Variants in STRN observed in about 807,000 individuals in gnomAD.
STRN encodes the protein protein phosphatase 2 regulatory subunit B'''alpha.
A neutral mutation model predicts 96.3 loss-of-function variants in STRN; 53 were observed. That is an observed-to-expected ratio of 0.55 (90% CI 0.44 to 0.69). The LOEUF is 0.69. STRN is among the 30% of genes least tolerant of loss of function. The pLI is 0.00. For missense variants in STRN, 987 were observed against 963.9 expected, an observed-to-expected ratio of 1.02 and a Z score of -0.32; for synonymous variants, 428 against 355.9, an observed-to-expected ratio of 1.20 and a Z score of -2.28.
intron 1 of STRN, among the ~76,000 whole-genome samples, chr2:36,954,664 T>C (rs1404705475): frequency 6.6e-6 from 1 of 151,378 alleles, no homozygotes; most frequent in Non-Finnish European, 1.5e-5. Context: ...GGAGTTTCAC[T>C]CTTGTTGCCC....
At chr2:36,918,028 A>G (rs761627103) in intron 2 of STRN, among the ~76,000 whole-genome samples, 3 of 152,144 alleles carry the variant, frequency 2.0e-5, no homozygotes, top group Admixed American at 2.0e-4. Flanking sequence ...AAATCAATGA[A>G]CTGAGGCAGA....
chr2:36,947,030 G>C lies in STRN; in HGVS notation c.234+19200C>G, dbSNP rs1412774493. On this transcript the variant is annotated intron_variant, in intron 1 of 17. Transcript: ENST00000263918. ...CCTTCCTGAGCCTCCTGAGTAGCAG[G>C]GACTACAGGCACGTGCCACCAGGCC... 2.0e-5 allele frequency among the ~76,000 whole-genome samples: 3 copies of C among 151,884 alleles called. No homozygotes were observed. In the East Asian group the frequency reaches 5.8e-4, roughly 29 times the overall value.
Position 36,906,968 on chromosome 2 carries a change from T to C in STRN, c.413-1350A>G, listed in dbSNP as rs75319177. On this transcript the variant is annotated intron_variant, in intron 3 of 17. Transcript: ENST00000263918. ...AAAAAACCCTCAAGTATTCTTTTAA[T>C]GACATTCTTTGAATGAAAACCTCCT... Among the ~76,000 whole-genome samples, 976 of 151,854 alleles carry C rather than the reference T, an allele frequency of 6.4e-3. 15 individuals are homozygous for C. Among genetic ancestry groups the C allele is most frequent in the African/African-American group, 0.022 (929 of 41,416 alleles).
At position 36,966,443 on chromosome 2, in the gene STRN, G is replaced by A. The variant is rs1318960507; in HGVS notation, c.21C>T (p.Pro7=). The change falls in exon 1 of 18, where the codon CCC becomes CCT. Residue 7 remains proline (P), a synonymous_variant. Transcript: ENST00000263918. ...GGTGGTTGTTGCTGAAGAAGACGCC[G>A]GGACCCGCCTGCTCGTCCATGGCGG... MDEQAG[P]GVFFSNNHPG... 2.0e-6 allele frequency: 3 copies of A among 1,464,194 alleles called. No individual in the cohort carries two copies. The Admixed American group carries it at 7.7e-5, about 38-fold the overall frequency. The allele number at this position is 1,464,194 out of a possible 1,614,324, so 90.7% of individuals were successfully genotyped here.
At chr2:36,859,603 T>C (rs1668427906) in intron 13 of STRN, among the ~76,000 whole-genome samples, 1 of 152,224 alleles carries the variant, frequency 6.6e-6, no homozygotes, top group Non-Finnish European at 1.5e-5. Context: ...GAGTCAACTA[T>C]ATGTAAAAGT....
chr2:36,916,675 T>A (rs187077810), intron 2 of STRN, among the ~76,000 whole-genome samples: 5 of 152,140 alleles, frequency 3.3e-5, no homozygotes, highest in Admixed American at 1.3e-4. Context: ...GCCCAAATCA[T>A]CAATGTTGAA....
chr2:36,870,142 C>T (rs979625407), intron 10 of STRN, among the ~76,000 whole-genome samples: 2 of 151,992 alleles, frequency 1.3e-5, no homozygotes, highest in Non-Finnish European at 2.9e-5. Flanking sequence ...ATTTTAAATA[C>T]TTTCTAATAG....
intron 8 of STRN, 107 bp downstream of exon 8, chr2:36,886,609 G>T: frequency 2.5e-6 from 2 of 813,100 alleles, no homozygotes; most frequent in Non-Finnish European, 3.9e-6. Flanking sequence ...GAGGTCAGGA[G>T]CAGAAATGAA....
At chr2:36,892,689 C>A (rs191461653) in intron 7 of STRN, among the ~76,000 whole-genome samples, 2 of 152,260 alleles carry the variant, frequency 1.3e-5, no homozygotes, top group African/African-American at 4.8e-5. Flanking sequence ...TCCCTATCCT[C>A]TTCTGGGAAG....
At chr2:36,949,853 CTAGT>C (rs1292467720) in intron 1 of STRN, among the ~76,000 whole-genome samples, 1 of 152,018 alleles carries the variant, frequency 6.6e-6, no homozygotes, top group Admixed American at 6.6e-5. Context: ...AGTATCAAGA[CTAGT>C]TAGAGATAAT....
At position 36,957,744 on chromosome 2, in the gene STRN, C is replaced by CTTTTT. The variant is rs1159531782; in HGVS notation, c.234+8481_234+8485dup. ...TTAGTCTCATAGTTCTTCTTTTTGT[C>CTTTTT]TTTTTTTTTTTTTTTTTTTTTTTTT... On this transcript the variant is annotated intron_variant, in intron 1 of 17. Transcript: ENST00000263918. 6.5e-3 allele frequency among the ~76,000 whole-genome samples: 580 copies of CTTTTT among 89,148 alleles called. 78 individuals carry two copies. Among genetic ancestry groups the CTTTTT allele is most frequent in the East Asian group, 0.01 (18 of 1,796 alleles). 58.5% of individuals were successfully genotyped at this position (89,148 alleles called of 152,430 possible). A position where few individuals can be genotyped will look rare whatever the true frequency, so the allele number is the denominator to read the frequency against.
At chr2:36,959,784 C>T (rs1339599146) in intron 1 of STRN, among the ~76,000 whole-genome samples, 4 of 151,994 alleles carry the variant, frequency 2.6e-5, no homozygotes, top group Admixed American at 6.6e-5. Flanking sequence ...CAGAAAAAAA[C>T]AACTAAAGCA....
At chr2:36,959,282 G>A (rs971369024) in intron 1 of STRN, among the ~76,000 whole-genome samples, 1 of 152,178 alleles carries the variant, frequency 6.6e-6, no homozygotes, top group Non-Finnish European at 1.5e-5. Flanking sequence ...AAGCATCAGT[G>A]TGGCTCTGCT....
chr2:36,881,048 G>A (rs1254243474), intron 9 of STRN, among the ~76,000 whole-genome samples: 1 of 149,004 alleles, frequency 6.7e-6, no homozygotes, highest in Admixed American at 6.7e-5. Context: ...AACCTTCCTA[G>A]CCCTAATCAG....
intron 6 of STRN, 105 bp from the exon 7 acceptor site, chr2:36,894,138 A>T: frequency 1.5e-6 from 2 of 1,313,598 alleles, no homozygotes; most frequent in South Asian, 3.0e-5. Flanking sequence ...TGTTGTGTTA[A>T]ATAACTGTAC....
chr2:36,885,883 G>A (rs191767802), intron 8 of STRN, among the ~76,000 whole-genome samples: 1 of 152,052 alleles, frequency 6.6e-6, no homozygotes, highest in Non-Finnish European at 1.5e-5. Context: ...ACCATAAAAG[G>A]GAGGCCCATA....
intron 5 of STRN, among the ~76,000 whole-genome samples, chr2:36,901,639 A>T (rs1036789932): frequency 2.6e-5 from 4 of 152,142 alleles, no homozygotes; most frequent in Admixed American, 6.5e-5. Context: ...ACTAAAGATA[A>T]TGTCCACACA....
At chr2:36,930,654 G>C (rs1230799622) in intron 1 of STRN, among the ~76,000 whole-genome samples, 1 of 152,016 alleles carries the variant, frequency 6.6e-6, no homozygotes, top group Non-Finnish European at 1.5e-5. Flanking sequence ...TAAACCGTTT[G>C]TAACACAGTT....
intron 4 of STRN, among the ~76,000 whole-genome samples, chr2:36,903,757 T>C (rs1462631228): frequency 1.3e-5 from 2 of 152,206 alleles, no homozygotes; most frequent in Non-Finnish European, 2.9e-5. Flanking sequence ...CAAATCAAGA[T>C]GCTCATTTTT....
Sources: allele counts gnomAD v4.1 joint callset (sites outside exome capture counted in the v4.1 genomes callset), GRCh38; gene constraint gnomAD v4.1.1; transcripts MANE v1.5; gene names NCBI Gene and HGNC (gene_info 2026-07-23, HGNC 2026-07-21).